Variants in MMP26 observed in about 807,000 individuals in gnomAD.
The protein encoded by MMP26 is matrix metalloproteinase-26.
MMP26 carries 33 observed loss-of-function variants against 31.0 expected under a neutral mutation model. The observed-to-expected ratio is 1.06, with a 90% confidence interval of 0.81 to 1.42. MMP26 has a LOEUF of 1.42. MMP26 is among the 40% of genes most tolerant of loss of function. The probability of loss-of-function intolerance (pLI) is 0.00; values close to 1 mark genes in which losing one functional copy is unlikely to be tolerated. For missense variants in MMP26, 347 were observed against 316.1 expected (o/e 1.10, Z -0.74); for synonymous variants, 122 against 114.9 (o/e 1.06, Z -0.40).
At chr11:4,785,200 C>A (rs938908965) in intron 2 of MMP26, among the ~76,000 whole-genome samples, 5 of 152,098 alleles carry the variant, frequency 3.3e-5, no homozygotes, top group African/African-American at 9.7e-5. Context: ...TCCAAGAAAC[C>A]CTTCAGTTCT....
At chr11:4,980,352 C>T (rs1244105660) in intron 2 of MMP26, among the ~76,000 whole-genome samples, 1 of 151,972 alleles carries the variant, frequency 6.6e-6, no homozygotes, top group Non-Finnish European at 1.5e-5. Flanking sequence ...CAAGAGTCCA[C>T]AGTTGTGAGG....
chr11:4,941,646 AGGCATGCT>A (rs1403501105), intron 2 of MMP26, among the ~76,000 whole-genome samples: 33 of 152,196 alleles, frequency 2.2e-4, no homozygotes, highest in Non-Finnish European at 4.6e-4. Context: ...ATCATGCTTG[AGGCATGCT>A]GCTTGACTAT....
At chr11:4,915,393 A>G in intron 2 of MMP26, 2 of 1,614,032 alleles carry the variant, frequency 1.2e-6, no homozygotes, top group Non-Finnish European at 1.7e-6. Context: ...GCTCCAACCC[A>G]AAAGATGCCC....
At chr11:4,959,362 T>C (rs955694106) in intron 2 of MMP26, among the ~76,000 whole-genome samples, 2 of 151,994 alleles carry the variant, frequency 1.3e-5, no homozygotes, top group Non-Finnish European at 2.9e-5. Flanking sequence ...TGTTACAAAA[T>C]GCCTTTGTGC....
intron 2 of MMP26, chr11:4,907,381 C>T (rs769815001): frequency 3.1e-6 from 5 of 1,611,296 alleles, no homozygotes; most frequent in Non-Finnish European, 4.2e-6. Context: ...TGTCTGTTCT[C>T]AATAACTCCG....
intron 1 of MMP26, among the ~76,000 whole-genome samples, chr11:4,744,779 C>T (rs1414620240): frequency 6.6e-6 from 1 of 152,018 alleles, no homozygotes; most frequent in Non-Finnish European, 1.5e-5. Context: ...GGGACAATTG[C>T]TAAAAATTAT....
intron 1 of MMP26, among the ~76,000 whole-genome samples, chr11:4,727,522 A>G (rs1176033042): frequency 1.3e-5 from 2 of 152,174 alleles, no homozygotes; most frequent in East Asian, 3.8e-4. Context: ...ATAAAAAAAA[A>G]TACTTGGCTG....
intron 2 of MMP26, among the ~76,000 whole-genome samples, chr11:4,967,056 A>G (rs1338585378): frequency 6.6e-6 from 1 of 152,212 alleles, no homozygotes; most frequent in Non-Finnish European, 1.5e-5. Context: ...GCAAGAAGAT[A>G]TACTTTGAAG....
chr11:4,843,841 A>G (rs1564792228), intron 2 of MMP26, among the ~76,000 whole-genome samples: 1 of 152,370 alleles, frequency 6.6e-6, no homozygotes, highest in East Asian at 1.9e-4. Flanking sequence ...CCTTTTAAAT[A>G]TAAATTTCAG....
intron 2 of MMP26, among the ~76,000 whole-genome samples, chr11:4,857,924 T>G (rs1003054597): frequency 6.6e-6 from 1 of 152,070 alleles, no homozygotes; most frequent in African/African-American, 2.4e-5. Flanking sequence ...GTTCGACATA[T>G]GCAAATCAAT....
chr11:4,886,149 A>C (rs1175674612), intron 2 of MMP26, among the ~76,000 whole-genome samples: 1 of 152,068 alleles, frequency 6.6e-6, no homozygotes, highest in Non-Finnish European at 1.5e-5. Flanking sequence ...TTATAAATAT[A>C]TATTTGATTC....
chr11:4,914,494 T>G lies in MMP26; in HGVS notation c.-144-73574T>G, dbSNP rs1221278949. ...GAAGAGCATGTGGGTTTAGAATTAT[T>G]GCTGTGGCTATTTTTAGAAAATAAA... On this transcript the variant is annotated intron_variant, in intron 2 of 7. Coordinates refer to ENST00000380390, the MANE Select transcript of MMP26 (RefSeq NM_021801.5). 4 of 502,044 alleles carry G rather than the reference T, an allele frequency of 8.0e-6. No homozygotes were observed. The East Asian group carries it at 1.3e-4, about 16-fold the overall frequency. The allele number at this position is 502,044 out of a possible 1,614,324, so 31.1% of individuals were successfully genotyped here.
chr11:4,770,380 T>A (rs912506679), intron 2 of MMP26, among the ~76,000 whole-genome samples: 1 of 152,204 alleles, frequency 6.6e-6, no homozygotes, highest in African/African-American at 2.4e-5. Flanking sequence ...TCCAGATATT[T>A]GCCAGGAATA....
At position 4,723,091 on chromosome 11, in the gene MMP26, C is replaced by T. The variant is rs932578662; in HGVS notation, c.-217+18046C>T. 4.9e-6 allele frequency: 7 copies of T among 1,439,122 alleles called. No individual in the cohort carries two copies. In the Admixed American group the frequency reaches 1.2e-4, roughly 24 times the overall value. 89.1% of individuals were successfully genotyped at this position (1,439,122 alleles called of 1,614,324 possible). ...ACCCATGCAGCTGTCACGGCATGTT[C>T]TGCTTGGCCCGCTGCAGGGCGGCCT... On this transcript the variant is annotated intron_variant, in intron 1 of 7. Coordinates refer to ENST00000380390, the MANE Select transcript of MMP26 (RefSeq NM_021801.5).
At chr11:4,760,281 A>T (rs1848556102) in intron 1 of MMP26, among the ~76,000 whole-genome samples, 2 of 152,262 alleles carry the variant, frequency 1.3e-5, no homozygotes, top group African/African-American at 2.4e-5. Flanking sequence ...TTAATTAATT[A>T]ATTTATTTAC....
intron 2 of MMP26, among the ~76,000 whole-genome samples, chr11:4,881,519 AT>A (rs1455037522): frequency 6.6e-6 from 1 of 152,094 alleles, no homozygotes; most frequent in Non-Finnish European, 1.5e-5. Context: ...TATTTTGCTT[AT>A]TTCTCATCTC....
At chr11:4,779,978 G>A (rs1334556012) in intron 2 of MMP26, among the ~76,000 whole-genome samples, 1 of 151,996 alleles carries the variant, frequency 6.6e-6, no homozygotes, top group Non-Finnish European at 1.5e-5. Context: ...TTTACTCAAT[G>A]TTGAAATGAG....
rs1850021026 is a variant in MMP26 at position 4,854,477 on chromosome 11, T to C, written c.-145+87136T>C. On this transcript the variant is annotated intron_variant, in intron 2 of 7. Coordinates refer to ENST00000380390, the MANE Select transcript of MMP26 (RefSeq NM_021801.5). ...ACCTTGCTCATTGCTAGCACAGTGG[T>C]CCAAGACCAGACTGCAAGGCAGCAG... Among the ~76,000 whole-genome samples the C allele has an allele frequency of 2.6e-5, 4 of 152,172 alleles. No individual in the cohort carries two copies. In the South Asian group the frequency reaches 8.3e-4, roughly 32 times the overall value.
intron 1 of MMP26, among the ~76,000 whole-genome samples, chr11:4,748,236 C>T (rs73393025): frequency 0.045 from 6,784 of 151,994 alleles, 484 homozygotes; most frequent in African/African-American, 0.16. Flanking sequence ...CCTCCAAAGA[C>T]TGAACCAGAA....
Sources: gnomAD v4.1 joint callset for allele counts (sites outside exome capture counted in the v4.1 genomes callset) on GRCh38, gnomAD v4.1.1 for gene constraint, MANE v1.5 for transcripts, NCBI Gene and HGNC (gene_info 2026-07-23, HGNC 2026-07-21) for gene names.